Variants in SLC24A2 observed in about 807,000 individuals in gnomAD.
SLC24A2 encodes solute carrier family 24 member 2, also known as sodium/potassium/calcium exchanger 2.
In SLC24A2, 36 loss-of-function variants were observed where a neutral mutation model predicts 62.0. The observed-to-expected ratio is 0.58, with a 90% CI of 0.44 to 0.77. The LOEUF (loss-of-function observed/expected upper bound fraction) is 0.77. Ranked by LOEUF, SLC24A2 falls within the 30% of genes least tolerant of loss-of-function variation. The probability of loss-of-function intolerance (pLI) is 0.00; values close to 1 mark genes in which losing one functional copy is unlikely to be tolerated. For missense variants in SLC24A2, 846 were observed against 817.9 expected, an observed-to-expected ratio of 1.03 and a Z score of -0.42; for synonymous variants, 358 against 294.0, an observed-to-expected ratio of 1.22 and a Z score of -2.23.
chr9:20,068,559 A>G, the SLC24A2 span, among the ~76,000 whole-genome samples: 1 of 152,086 alleles, frequency 6.6e-6, no homozygotes, highest in East Asian at 1.9e-4. Flanking sequence ...CTCCTGAACA[A>G]CTGGTAACAT....
chr9:19,788,967 G>T lies in SLC24A2; in HGVS notation c.-236C>A, dbSNP rs532969965. ...CAGTCCGCCGGCCCTCCGCCTACCC[G>T]CTCTGAGGCCCGGGCTCTGGCTCGC... On this transcript the variant is annotated 5_prime_UTR_variant, in exon 1 of 11. Coordinates refer to ENST00000341998, the MANE Select transcript of SLC24A2 (RefSeq NM_020344.4). The T allele has an allele frequency of 1.0e-4, 100 of 984,208 alleles. No individual in the cohort carries two copies. The South Asian group carries it at 4.1e-3, about 40-fold the overall frequency. 61.0% of individuals were successfully genotyped at this position (984,208 alleles called of 1,614,324 possible). A position where few individuals can be genotyped will look rare whatever the true frequency, so the allele number is the denominator to read the frequency against.
At chr9:19,560,910 TATATATAGAGAGAGAGAG>T (rs1218779910) in intron 7 of SLC24A2, among the ~76,000 whole-genome samples, 4 of 56,086 alleles carry the variant, frequency 7.1e-5, no homozygotes, top group African/African-American at 2.8e-4. Context: ...TATATATATA[TATATATAGAGAGAGAGAG>T]AGAGAGAGAG....
the SLC24A2 span, among the ~76,000 whole-genome samples, chr9:20,142,682 C>T: frequency 6.6e-6 from 1 of 152,088 alleles, no homozygotes; most frequent in African/African-American, 2.4e-5. Context: ...CTGCAGCCTC[C>T]ACCCCTGGGT....
At chr9:19,696,045 G>C (rs774012922) in intron 2 of SLC24A2, among the ~76,000 whole-genome samples, 2 of 152,154 alleles carry the variant, frequency 1.3e-5, no homozygotes, top group African/African-American at 4.8e-5. Context: ...CAAAGGGTGA[G>C]TGAGCATTAC....
chr9:20,019,253 G>GAGGAAGAAAGAA, the SLC24A2 span, among the ~76,000 whole-genome samples: 2 of 109,746 alleles, frequency 1.8e-5, no homozygotes, highest in South Asian at 6.8e-4. Context: ...AAGAAGGAAA[G>GAGGAAGAAAGAA]AGAAAGAAAG....
At chr9:19,855,610 G>A in the SLC24A2 span, among the ~76,000 whole-genome samples, 547 of 152,256 alleles carry the variant, frequency 3.6e-3, 1 homozygote, top group African/African-American at 0.013. Flanking sequence ...AATGTTGAAC[G>A]TTGGTCCCCA....
chr9:19,743,296 A>G (rs1453983724), intron 2 of SLC24A2, among the ~76,000 whole-genome samples: 1 of 152,226 alleles, frequency 6.6e-6, no homozygotes, highest in African/African-American at 2.4e-5. Flanking sequence ...GAACTTGATC[A>G]TACACTGATG....
In SLC24A2 at chr9:19,714,717, A is replaced by C. The variant is rs555166671; in HGVS notation, c.930+71220T>G. Among the ~76,000 whole-genome samples the C allele has an allele frequency of 4.7e-3, 717 of 152,350 alleles. 4 individuals are homozygous for C. The highest frequency in any genetic ancestry group is 0.016 in the African/African-American group (675 of 41,576). ...AGTAAAATGGTCATTACAGTGAAAC[A>C]AATTAAGATATCTATCATGTCACAG... On this transcript the variant is annotated intron_variant, in intron 2 of 10. Transcript: ENST00000341998.
chr9:19,919,475 G>T, the SLC24A2 span, among the ~76,000 whole-genome samples: 143,147 of 152,200 alleles, frequency 0.94, 67,935 homozygotes, highest in East Asian at 1. Flanking sequence ...ACATGGGCTT[G>T]TGGCAAAAGA....
the SLC24A2 span, among the ~76,000 whole-genome samples, chr9:20,260,803 C>A: frequency 6.6e-6 from 1 of 151,330 alleles, no homozygotes; most frequent in African/African-American, 2.4e-5. Flanking sequence ...CCTCACCACC[C>A]CTCACCCTTT....
chr9:19,763,784 G>C (rs575023639), intron 2 of SLC24A2, among the ~76,000 whole-genome samples: 14 of 152,106 alleles, frequency 9.2e-5, no homozygotes, highest in African/African-American at 3.1e-4. Flanking sequence ...TTTTTTTGTT[G>C]TGTCTCTGCC....
the SLC24A2 span, among the ~76,000 whole-genome samples, chr9:20,081,998 G>A: frequency 7.2e-5 from 11 of 152,256 alleles, no homozygotes; most frequent in Admixed American, 7.2e-4. Flanking sequence ...CCTTTCAGGG[G>A]ATTCTCACTC....
chr9:19,707,668 A>G lies in SLC24A2; in HGVS notation c.930+78269T>C, dbSNP rs545092160. Among the ~76,000 whole-genome samples, 746 of 152,324 alleles carry G rather than the reference A, an allele frequency of 4.9e-3. 4 individuals carry two copies. Among genetic ancestry groups the G allele is most frequent in the African/African-American group, 0.017 (703 of 41,558 alleles). ...AAGACAAAAACCACATGATTATCTC[A>G]ATAGATGCAGAAAAGGCCTTTGACA... On this transcript the variant is annotated intron_variant, in intron 2 of 10. Transcript: ENST00000341998.
chr9:19,541,874 A>C (rs1357568511), intron 8 of SLC24A2, among the ~76,000 whole-genome samples: 2 of 151,384 alleles, frequency 1.3e-5, no homozygotes, highest in African/African-American at 4.9e-5. Context: ...TGGGCGTAGG[A>C]CCCTCTGAGC....
chr9:20,056,786 C>T, the SLC24A2 span, among the ~76,000 whole-genome samples: 1 of 152,306 alleles, frequency 6.6e-6, no homozygotes, highest in Non-Finnish European at 1.5e-5. Flanking sequence ...GGCCACAGGG[C>T]TGCAATCCAG....
chr9:19,800,759 T>C, the SLC24A2 span, among the ~76,000 whole-genome samples: 1,468 of 152,372 alleles, frequency 9.6e-3, 22 homozygotes, highest in African/African-American at 0.033. Context: ...CAGTTATAAA[T>C]AATGATGTAA....
the SLC24A2 span, among the ~76,000 whole-genome samples, chr9:20,051,515 T>C: frequency 6.6e-6 from 1 of 152,018 alleles, no homozygotes; most frequent in Non-Finnish European, 1.5e-5. Flanking sequence ...CAGAGAACAG[T>C]ACTGCCAAGA....
chr9:20,246,824 T>A, the SLC24A2 span, among the ~76,000 whole-genome samples: 4 of 152,196 alleles, frequency 2.6e-5, no homozygotes, highest in African/African-American at 9.7e-5. Flanking sequence ...GGAGCACCCA[T>A]GAGGGTTCCT....
intron 8 of SLC24A2, among the ~76,000 whole-genome samples, chr9:19,548,057 T>C (rs948390823): frequency 1.3e-5 from 2 of 151,642 alleles, no homozygotes; most frequent in Non-Finnish European, 2.9e-5. Flanking sequence ...CCAGGAAACC[T>C]ATACTGCTGG....
Sources: gnomAD v4.1 joint callset for allele counts (sites outside exome capture counted in the v4.1 genomes callset) on GRCh38, gnomAD v4.1.1 for gene constraint, MANE v1.5 for transcripts, NCBI Gene and HGNC (gene_info 2026-07-23, HGNC 2026-07-21) for gene names.